The following TNIP3 variants were observed in gnomAD, a reference collection of about 807,000 sequenced individuals.
TNIP3 encodes the protein TNFAIP3-interacting protein 3.
In TNIP3, 34 loss-of-function variants were observed where a neutral mutation model predicts 54.1. That is an observed-to-expected ratio of 0.63 (90% CI 0.48 to 0.84). The LOEUF (loss-of-function observed/expected upper bound fraction) is 0.84, where lower values mean the gene tolerates loss of function less well. Ranked by LOEUF, TNIP3 falls within the 40% of genes least tolerant of loss-of-function variation. The probability of loss-of-function intolerance (pLI) is 0.00; values close to 1 mark genes in which losing one functional copy is unlikely to be tolerated. For missense variants in TNIP3, 366 were observed against 387.6 expected (o/e 0.94, Z 0.47); for synonymous variants, 134 against 136.8 (o/e 0.98, Z 0.14).
intron 3 of TNIP3, among the ~76,000 whole-genome samples, chr4:121,174,474 G>T (rs993226489): frequency 1.1e-4 from 16 of 151,928 alleles, no homozygotes; most frequent in African/African-American, 3.9e-4. Context: ...GATGATGTAG[G>T]TATATGGAAA....
At chr4:121,156,633 T>G (rs1215854511) in intron 4 of TNIP3, among the ~76,000 whole-genome samples, 1 of 152,182 alleles carries the variant, frequency 6.6e-6, no homozygotes, top group African/African-American at 2.4e-5. Context: ...AAATTTATGG[T>G]GACAGAAGTA....
At chr4:121,194,032 A>G (rs1346069404) in intron 2 of TNIP3, among the ~76,000 whole-genome samples, 8 of 152,136 alleles carry the variant, frequency 5.3e-5, no homozygotes, top group East Asian at 1.9e-4. Flanking sequence ...CCTGGATTGG[A>G]GCCTTTTTTA....
At chr4:121,212,883 A>G (rs565697661) in intron 2 of TNIP3, among the ~76,000 whole-genome samples, 2 of 152,342 alleles carry the variant, frequency 1.3e-5, no homozygotes, top group East Asian at 3.9e-4. Flanking sequence ...ATATCATAAA[A>G]GAGATCATTT....
rs906870997 is a variant in TNIP3, at chr4:121,148,241, C to T, written c.610-1067G>A. ...CATTTAAACCCTTTAGTGTTTCATG[C>T]GGCACTTGGTGATGTAATGATTGCG... On this transcript the variant is annotated intron_variant, in intron 6 of 10. Coordinates refer to ENST00000057513, the MANE Select transcript of TNIP3 (RefSeq NM_024873.6). 7.2e-5 allele frequency among the ~76,000 whole-genome samples: 11 copies of T among 152,202 alleles called. 1 individual carries two copies. The Middle Eastern group carries it at 0.01, about 141-fold the overall frequency.
In TNIP3 at chr4:121,200,139, G is replaced by T. The variant is rs981162783; in HGVS notation, c.68+16276C>A. Among the ~76,000 whole-genome samples, 12 of 151,656 alleles carry T rather than the reference G, an allele frequency of 7.9e-5. 1 individual carries two copies. Among genetic ancestry groups the T allele is most frequent in the African/African-American group, 2.7e-4 (11 of 41,234 alleles). On this transcript the variant is annotated intron_variant, in intron 2 of 12. Transcript: ENST00000507879. ...ACCACGTTCACTGGGTTCCTTTACT[G>T]CCCCCACATGGGCACAGACATGCTA...
chr4:121,186,983 G>A (rs1725055270), intron 2 of TNIP3, among the ~76,000 whole-genome samples: 1 of 152,102 alleles, frequency 6.6e-6, no homozygotes, highest in East Asian at 1.9e-4. Flanking sequence ...AAATCAATAT[G>A]TTTCATAAAT....
At chr4:121,155,728 A>G (rs977318316) in intron 4 of TNIP3, among the ~76,000 whole-genome samples, 13 of 152,224 alleles carry the variant, frequency 8.5e-5, no homozygotes, top group African/African-American at 3.1e-4. Context: ...TGAGATTGAG[A>G]TTTTAACCCA....
At chr4:121,209,146 A>AGGAC (rs1175421053) in intron 2 of TNIP3, among the ~76,000 whole-genome samples, 1 of 152,256 alleles carries the variant, frequency 6.6e-6, no homozygotes, top group East Asian at 1.9e-4. Context: ...GTTAAGGGCG[A>AGGAC]GGACGCTGTG....
At position 121,138,635 on chromosome 4, in the gene TNIP3, T is replaced by G. The variant is rs534471295; in HGVS notation, c.935A>C (p.His312Pro). The G allele has an allele frequency of 7.9e-5, 128 of 1,614,040 alleles. No homozygotes were observed. The South Asian group carries it at 1.4e-3, about 17-fold the overall frequency. Residue 312 changes from histidine to proline, a missense_variant, in exon 10 of 11, where the codon CAC becomes CCC. His to Pro is a moderately conservative substitution (Grantham distance 77, BLOSUM62 -2). Transcript: ENST00000057513. ...ALDQLPPDVQ[H>P]KANGLSSVKK... Reference sequence around the variant, plus strand: ...AGCTGTGGTCTCACCATTTGCCTTGTGTTGTACATCTGGCGGAAGCTGGTC... The same window carrying G: ...AGCTGTGGTCTCACCATTTGCCTTGGGTTGTACATCTGGCGGAAGCTGGTC...
At chr4:121,172,752 T>C (rs1458720742) in intron 3 of TNIP3, among the ~76,000 whole-genome samples, 1 of 152,208 alleles carries the variant, frequency 6.6e-6, no homozygotes, top group African/African-American at 2.4e-5. Context: ...GGACAGGGGA[T>C]AATTCTTGCA....
intron 8 of TNIP3, among the ~76,000 whole-genome samples, chr4:121,142,372 G>T (rs570025388): frequency 9.9e-5 from 15 of 152,146 alleles, no homozygotes; most frequent in Admixed American, 9.8e-4. Context: ...GCTCAAGAAG[G>T]CATGTTATTT....
intron 3 of TNIP3, among the ~76,000 whole-genome samples, chr4:121,169,494 A>T (rs1469863974): frequency 2.0e-5 from 3 of 151,970 alleles, no homozygotes; most frequent in Non-Finnish European, 4.4e-5. Flanking sequence ...TTGCCTCCCG[A>T]CACTAGCTTG....
At chr4:121,137,948 T>C (rs1474854375) in intron 10 of TNIP3, 3 of 456,090 alleles carry the variant, frequency 6.6e-6, no homozygotes, top group Non-Finnish European at 1.3e-5. Context: ...TATAGCTCAG[T>C]TTATACAGCC....
chr4:121,215,274 A>G (rs1273501101), intron 2 of TNIP3, among the ~76,000 whole-genome samples: 7 of 152,198 alleles, frequency 4.6e-5, no homozygotes, highest in African/African-American at 1.7e-4. Flanking sequence ...ATGACTCCAG[A>G]CACACAGGAT....
intron 2 of TNIP3, among the ~76,000 whole-genome samples, chr4:121,195,406 C>T (rs1370133082): frequency 6.6e-6 from 1 of 152,154 alleles, no homozygotes; most frequent in East Asian, 1.9e-4. Flanking sequence ...CACAGCATTA[C>T]CTTTGGCTAG....
At chr4:121,156,327 C>A (rs1579404024) in intron 4 of TNIP3, among the ~76,000 whole-genome samples, 1 of 152,112 alleles carries the variant, frequency 6.6e-6, no homozygotes, top group East Asian at 1.9e-4. Context: ...TTTAAGGTTT[C>A]CTCCCATTTT....
chr4:121,212,165 A>C (rs1426539907), intron 2 of TNIP3, among the ~76,000 whole-genome samples: 2 of 152,352 alleles, frequency 1.3e-5, no homozygotes, highest in Non-Finnish European at 2.9e-5. Context: ...ACAGAACAAA[A>C]GGTGTACTCT....
intron 2 of TNIP3, among the ~76,000 whole-genome samples, chr4:121,213,587 C>T (rs986700557): frequency 4.0e-5 from 6 of 151,714 alleles, no homozygotes; most frequent in Middle Eastern, 6.8e-3. Context: ...ATTAGCCGGG[C>T]GTGGTGGCGG....
chr4:121,227,193 A>G (rs183839874), intron 1 of TNIP3, among the ~76,000 whole-genome samples: 7 of 152,324 alleles, frequency 4.6e-5, no homozygotes, highest in African/African-American at 1.7e-4. Context: ...CATTTACAAC[A>G]AGTTCTATCT....
Sources: gnomAD v4.1 joint callset for allele counts (sites outside exome capture counted in the v4.1 genomes callset) on GRCh38, gnomAD v4.1.1 for gene constraint, MANE v1.5 for transcripts, NCBI Gene and HGNC (gene_info 2026-07-23, HGNC 2026-07-21) for gene names.